Variants in SLC30A8 observed in about 807,000 individuals in gnomAD.
SLC30A8 encodes solute carrier family 30 member 8.
SLC30A8 carries 27 observed loss-of-function variants against 36.9 expected under a neutral mutation model. That is an observed-to-expected ratio of 0.73 (90% CI 0.54 to 1.01). The LOEUF is 1.01. SLC30A8 is among the 50% of genes least tolerant of loss of function. SLC30A8 has a pLI of 0.00. For synonymous variants in SLC30A8, 164 were observed against 172.4 expected, an observed-to-expected ratio of 0.95 and a Z score of 0.38; for missense variants, 439 against 452.0, an observed-to-expected ratio of 0.97 and a Z score of 0.26.
chr8:117,106,422 C>T (rs1819997602), intron 2 of SLC30A8, among the ~76,000 whole-genome samples: 1 of 152,058 alleles, frequency 6.6e-6, no homozygotes, highest in Admixed American at 6.6e-5. Context: ...TTGTACCAAC[C>T]TAATACATTA....
At chr8:117,143,590 G>T (rs1367269282) in intron 1 of SLC30A8, among the ~76,000 whole-genome samples, 1 of 151,186 alleles carries the variant, frequency 6.6e-6, no homozygotes, top group South Asian at 2.1e-4. Flanking sequence ...TCTTAACTTT[G>T]GTTTTTAACT....
intron 1 of SLC30A8, among the ~76,000 whole-genome samples, chr8:116,984,514 G>C (rs1815376531): frequency 6.6e-6 from 1 of 152,074 alleles, no homozygotes; most frequent in South Asian, 2.1e-4. Flanking sequence ...TGATAGTTGT[G>C]TAATGATGTC....
At chr8:116,987,405 A>T (rs188484142) in intron 1 of SLC30A8, among the ~76,000 whole-genome samples, 17 of 149,862 alleles carry the variant, frequency 1.1e-4, no homozygotes, top group Non-Finnish European at 1.6e-4. Context: ...ACAGACCTGC[A>T]CGTTGTGCAC....
At chr8:117,171,507 A>AAACTT (rs1823383429) in intron 7 of SLC30A8, among the ~76,000 whole-genome samples, 1 of 152,112 alleles carries the variant, frequency 6.6e-6, no homozygotes, top group Non-Finnish European at 1.5e-5. Context: ...AATGAATTAA[A>AAACTT]AACTTAATCT....
intron 1 of SLC30A8, among the ~76,000 whole-genome samples, chr8:116,998,952 G>T (rs1815910785): frequency 6.6e-6 from 1 of 152,188 alleles, no homozygotes; most frequent in African/African-American, 2.4e-5. Flanking sequence ...GTGGTAATTT[G>T]TTACAGCAGC....
At position 116,984,545 on chromosome 8, in the gene SLC30A8, A is replaced by C. The variant is rs115339310; in HGVS notation, c.-266+33426A>C. Among the ~76,000 whole-genome samples, 1,429 of 152,192 alleles carry C rather than the reference A, an allele frequency of 9.4e-3. 17 individuals are homozygous for C. The highest frequency in any genetic ancestry group is 0.031 in the African/African-American group (1,297 of 41,540). On this transcript the variant is annotated intron_variant, in intron 1 of 10. Transcript: ENST00000427715. ...ATGTCTCATTGGGGTTTTAATTTGC[A>C]TGTGATGTTAAACGTCTTCTCATGT...
intron 2 of SLC30A8, among the ~76,000 whole-genome samples, chr8:117,097,327 G>A (rs1252081477): frequency 7.2e-6 from 1 of 139,492 alleles, no homozygotes; most frequent in Non-Finnish European, 1.5e-5. Context: ...TTTACCGGGG[G>A]TGGAGCTTGC....
intron 2 of SLC30A8, among the ~76,000 whole-genome samples, chr8:117,091,235 C>T (rs2130830449): frequency 6.6e-6 from 1 of 152,254 alleles, no homozygotes; most frequent in South Asian, 2.1e-4. Flanking sequence ...TCTTAATCTG[C>T]CCCAGTTTCC....
chr8:117,154,760 A>G (rs997660653), intron 3 of SLC30A8, among the ~76,000 whole-genome samples: 5 of 152,140 alleles, frequency 3.3e-5, no homozygotes, highest in African/African-American at 1.2e-4. Flanking sequence ...TTCTGATACC[A>G]TTTGTCAAAG....
intron 1 of SLC30A8, among the ~76,000 whole-genome samples, chr8:116,986,875 G>A (rs1344527708): frequency 6.6e-6 from 1 of 152,064 alleles, no homozygotes; most frequent in Non-Finnish European, 1.5e-5. Flanking sequence ...AAAATCAAAC[G>A]TTTCTACTTT....
At chr8:117,158,985 C>T (rs1334865796) in intron 4 of SLC30A8, among the ~76,000 whole-genome samples, 4 of 152,154 alleles carry the variant, frequency 2.6e-5, no homozygotes, top group Admixed American at 6.5e-5. Context: ...TAATGACAAG[C>T]GTCCTTATAA....
intron 1 of SLC30A8, among the ~76,000 whole-genome samples, chr8:117,016,325 AGTTAGGTGGTTTC>A (rs1376955582): frequency 4.7e-4 from 71 of 152,316 alleles, no homozygotes; most frequent in African/African-American, 1.6e-3. Flanking sequence ...AGAGTTTTTG[AGTTAGGTGGTTTC>A]AAACATTCTT....
intron 2 of SLC30A8, among the ~76,000 whole-genome samples, chr8:117,103,726 C>T (rs953968638): frequency 1.3e-5 from 2 of 152,144 alleles, no homozygotes; most frequent in East Asian, 1.9e-4. Flanking sequence ...CCATCAGCCT[C>T]CCTAAGTGCA....
At chr8:117,087,787 C>A (rs2130822979) in intron 2 of SLC30A8, among the ~76,000 whole-genome samples, 1 of 152,248 alleles carries the variant, frequency 6.6e-6, no homozygotes, top group East Asian at 1.9e-4. Flanking sequence ...AGATCTATTG[C>A]TTCTTTTTAA....
At chr8:116,993,091 T>C (rs1035264297) in intron 1 of SLC30A8, among the ~76,000 whole-genome samples, 1 of 152,098 alleles carries the variant, frequency 6.6e-6, no homozygotes, top group East Asian at 1.9e-4. Flanking sequence ...GAATAGATAA[T>C]CTCCTTGAGT....
chr8:116,981,450 G>A (rs1815256562), intron 1 of SLC30A8, among the ~76,000 whole-genome samples: 2 of 152,304 alleles, frequency 1.3e-5, no homozygotes, highest in South Asian at 4.1e-4. Context: ...GAGTACGTGT[G>A]TAGGTTTGTT....
At chr8:116,963,157 CTTTA>C (rs1284261727) in intron 1 of SLC30A8, among the ~76,000 whole-genome samples, 9 of 152,104 alleles carry the variant, frequency 5.9e-5, no homozygotes, top group Admixed American at 5.9e-4. Context: ...TTAAATTGGG[CTTTA>C]TTTATTTCTC....
intron 1 of SLC30A8, 64 bp from the exon 2 acceptor site, chr8:117,146,890 T>C: frequency 6.2e-7 from 1 of 1,601,142 alleles, no homozygotes; most frequent in Non-Finnish European, 8.5e-7. Flanking sequence ...ATGGGCAGGG[T>C]GGGTCAGTGA....
chr8:117,170,615 A>C (rs1032713071), intron 6 of SLC30A8, among the ~76,000 whole-genome samples: 2 of 152,282 alleles, frequency 1.3e-5, no homozygotes, highest in East Asian at 1.9e-4. Flanking sequence ...TTTACTACAA[A>C]TGTGCTGAGG....
Sources: gnomAD v4.1 joint callset for allele counts (sites outside exome capture counted in the v4.1 genomes callset) on GRCh38, gnomAD v4.1.1 for gene constraint, MANE v1.5 for transcripts, NCBI Gene and HGNC (gene_info 2026-07-23, HGNC 2026-07-21) for gene names.